AP1B1: variants seen among roughly 807,000 people sequenced by gnomAD.
The protein encoded by AP1B1 is adaptor related protein complex 1 subunit beta 1, also known as AP-1 complex subunit beta-1.
AP1B1 carries 36 observed loss-of-function variants against 104.3 expected under a neutral mutation model. The observed-to-expected ratio is 0.35, with a 90% CI of 0.26 to 0.46. The LOEUF is 0.46. Ranked by LOEUF, AP1B1 falls within the 20% of genes least tolerant of loss-of-function variation. The pLI, the probability that AP1B1 is intolerant of heterozygous loss-of-function variation, is 1.00. For synonymous variants in AP1B1, 504 were observed against 517.5 expected (o/e 0.97, Z 0.35); for missense variants, 901 against 1,247.9 (o/e 0.72, Z 4.19).
intron 1 of AP1B1, among the ~76,000 whole-genome samples, chr22:29,385,097 T>C (rs1374630125): frequency 1.3e-5 from 2 of 151,418 alleles, no homozygotes; most frequent in African/African-American, 4.9e-5. Context: ...GTATAAAGAG[T>C]TGGGAGGCCA....
intron 3 of AP1B1, among the ~76,000 whole-genome samples, chr22:29,361,874 A>G (rs112646111): frequency 0.038 from 5,729 of 151,842 alleles, 165 homozygotes; most frequent in Non-Finnish European, 0.061. Context: ...GGCTCACTGC[A>G]GCCTCTGCCT....
At chr22:29,338,855 G>A (rs1475522048) in intron 16 of AP1B1, 135 bp downstream of exon 16, 28 of 1,266,792 alleles carry the variant, frequency 2.2e-5, no homozygotes, top group Non-Finnish European at 3.0e-5. Flanking sequence ...CTTCCTCGGT[G>A]CCCCTGTGGC....
intron 3 of AP1B1, 119 bp from the exon 4 acceptor site, chr22:29,360,078 G>A: frequency 8.9e-7 from 1 of 1,121,622 alleles, no homozygotes; most frequent in Non-Finnish European, 1.3e-6. Flanking sequence ...AGACACACTG[G>A]ACTTCCTGGT....
chr22:29,336,785 C>T (rs907703894), intron 16 of AP1B1, among the ~76,000 whole-genome samples: 1 of 134,470 alleles, frequency 7.4e-6, no homozygotes, highest in African/African-American at 2.9e-5. Context: ...GCCTGTGTGA[C>T]AAGAGCAAAA....
At position 29,328,142 on chromosome 22, in the gene AP1B1, C is replaced by A. The variant is rs1012994637; in HGVS notation, c.*679G>T. 1.3e-5 allele frequency: 2 copies of A among 152,790 alleles called. No homozygotes were observed. The highest frequency in any genetic ancestry group is 2.4e-5 in the African/African-American group (1 of 41,442). 9.5% of individuals were successfully genotyped at this position (152,790 alleles called of 1,614,324 possible). A position where few individuals can be genotyped will look rare whatever the true frequency, so the allele number is the denominator to read the frequency against. On this transcript the variant is annotated 3_prime_UTR_variant, in exon 23 of 23. Coordinates refer to ENST00000357586, the MANE Select transcript of AP1B1 (RefSeq NM_001127.4). The surrounding 1 kb of genome is among the most constrained non-coding windows in gnomAD (Gnocchi z 4.1). ...AGTTGGGGATAGTGCAGCTGCCAGT[C>A]GGTGGGGAGCCCGAGACAGGGGCTC...
chr22:29,377,271 A>G (rs2062360874), intron 1 of AP1B1, among the ~76,000 whole-genome samples: 1 of 152,090 alleles, frequency 6.6e-6, no homozygotes, highest in South Asian at 2.1e-4. Context: ...CAGACAGGGA[A>G]ACAGGTAAGG....
chr22:29,356,578 G>C lies in AP1B1; in HGVS notation c.564C>G (p.Ala188=). The change falls in exon 6 of 23, where the codon GCC becomes GCG. Residue 188 remains alanine, a synonymous_variant. Transcript: ENST00000357586. ...ANAVAALSEI[A]ESHPSSNLLD... ...GCAGGTTGCTGCTGGGGTGAGACTCGGCAATTTCTGAGAGCGCTGCCACTG... is the reference window on the plus strand; with the variant it reads ...GCAGGTTGCTGCTGGGGTGAGACTCCGCAATTTCTGAGAGCGCTGCCACTG... 2 of 1,614,132 alleles carry C rather than the reference G, an allele frequency of 1.2e-6. No individual in the cohort carries two copies. Among genetic ancestry groups the C allele is most frequent in the South Asian group, 1.1e-5 (1 of 91,074 alleles).
chr22:29,364,429 A>T (rs1380112026), intron 2 of AP1B1, among the ~76,000 whole-genome samples: 1 of 152,018 alleles, frequency 6.6e-6, no homozygotes, highest in Non-Finnish European at 1.5e-5. Flanking sequence ...TTTATTTTTT[A>T]TTTTTTTGAG....
At chr22:29,376,192 A>C (rs2062338102) in intron 1 of AP1B1, among the ~76,000 whole-genome samples, 1 of 152,352 alleles carries the variant, frequency 6.6e-6, no homozygotes, top group East Asian at 1.9e-4. Flanking sequence ...AACAGTAAGA[A>C]GCCAAACAAC....
chr22:29,359,064 G>C lies in AP1B1; in HGVS notation c.280-93C>G, dbSNP rs1022065733. ...GGCCTGCAGCTCTGAGCCCTGCTAG[G>C]CTGAGCGACATCAGATGGCTGCTGT... On this transcript the variant is annotated intron_variant, in intron 4 of 22. Coordinates refer to ENST00000357586, the MANE Select transcript of AP1B1 (RefSeq NM_001127.4). The C allele has an allele frequency of 9.3e-6, 12 of 1,285,780 alleles. No homozygotes were observed. The East Asian group carries it at 2.5e-4, about 27-fold the overall frequency. 79.6% of individuals were successfully genotyped at this position (1,285,780 alleles called of 1,614,324 possible).
intron 11 of AP1B1, among the ~76,000 whole-genome samples, chr22:29,344,514 ATTT>A (rs35466454): frequency 0.02 from 1,824 of 93,498 alleles, 17 homozygotes; most frequent in African/African-American, 0.089. Context: ...CCTGGCCAAG[ATTT>A]TTTTTTTTTT....
At position 29,334,302 on chromosome 22, in the gene AP1B1, C is replaced by T; in HGVS notation, c.2272G>A (p.Val758Ile). Residue 758 changes from valine (V) to isoleucine (I), a missense_variant, in exon 17 of 23, where the codon GTC (valine) becomes ATC (isoleucine). Physicochemically the swap from Val to Ile is conservative, Grantham distance 29. Around this residue, in one of 3 missense-constraint regions of AP1B1, gnomAD observed 424 missense variants for 494.0 expected, o/e 0.86. Transcript: ENST00000357586. ...DLQLTNKALQ[V>I]MTDFAIQFNR... ...AACTGGATGGCAAAGTCGGTCATGA[C>T]CTGCAAGGCCTTGTTGGTCAGCTGC... The T allele has an allele frequency of 6.2e-7, 1 of 1,607,910 alleles. No individual in the cohort carries two copies. Among genetic ancestry groups the T allele is most frequent in the Non-Finnish European group, 8.5e-7 (1 of 1,178,034 alleles).
chr22:29,367,461 CCT>C (rs1569163622), intron 1 of AP1B1, among the ~76,000 whole-genome samples, 191 bp from the exon 2 acceptor site: 3 of 142,068 alleles, frequency 2.1e-5, no homozygotes, highest in African/African-American at 2.8e-5. Flanking sequence ...AATCTATCAA[CCT>C]TTTTTTTTTT....
At chr22:29,341,452 T>C in intron 13 of AP1B1, 49 bp downstream of exon 13, 1 of 1,581,314 alleles carries the variant, frequency 6.3e-7, no homozygotes, top group South Asian at 1.1e-5. Context: ...GCTGCTAAAC[T>C]GGGGAAGCAG....
At chr22:29,355,045 G>T (rs1394887002) in intron 6 of AP1B1, among the ~76,000 whole-genome samples, 174 bp from the exon 7 acceptor site, 1 of 152,086 alleles carries the variant, frequency 6.6e-6, no homozygotes, top group Non-Finnish European at 1.5e-5. Flanking sequence ...AGACAAGCCT[G>T]GCCAACATGG....
At chr22:29,375,299 G>A (rs1286647953) in intron 1 of AP1B1, among the ~76,000 whole-genome samples, 4 of 145,258 alleles carry the variant, frequency 2.8e-5, no homozygotes, top group Admixed American at 7.3e-5. Flanking sequence ...GTAGTGAGGT[G>A]AGACTGTGCC....
intron 21 of AP1B1, chr22:29,329,948 G>A: frequency 7.0e-7 from 1 of 1,423,110 alleles, no homozygotes; most frequent in South Asian, 1.5e-5. Flanking sequence ...AGGCCTCCAG[G>A]ACAACTGTGT....
intron 21 of AP1B1, 181 bp downstream of exon 21, chr22:29,330,197 T>TG (rs1449830171): frequency 6.9e-7 from 1 of 1,454,178 alleles, no homozygotes; most frequent in East Asian, 2.5e-5. Flanking sequence ...GTGTCTTATC[T>TG]GGGTAACCTG....
intron 1 of AP1B1, among the ~76,000 whole-genome samples, chr22:29,388,045 G>T (rs1368324988): frequency 6.6e-6 from 1 of 152,036 alleles, no homozygotes; most frequent in African/African-American, 2.4e-5. Flanking sequence ...TTTCAACCTT[G>T]GCAAAGAGAT....
Sources: gnomAD v4.1 joint callset for allele counts (sites outside exome capture counted in the v4.1 genomes callset) on GRCh38, gnomAD v4.1.1 for gene constraint, gnomAD v4.1.1 regional missense constraint, Gnocchi (gnomAD v3.1) non-coding constraint, MANE v1.5 for transcripts, NCBI Gene and HGNC (gene_info 2026-07-23, HGNC 2026-07-21) for gene names.